The following CSNK2A2 variants were observed in gnomAD, a reference collection of about 807,000 sequenced individuals.
The protein encoded by CSNK2A2 is casein kinase II subunit alpha'.
Under a neutral mutation model 54.0 loss-of-function variants are expected in CSNK2A2, and 8 were observed. The ratio of observed to expected loss-of-function variants is 0.15; its 90% CI spans 0.09 to 0.27. The LOEUF (loss-of-function observed/expected upper bound fraction) is 0.27, where lower values mean the gene tolerates loss of function less well. Among genes scored for constraint, CSNK2A2 ranks in the 10% least tolerant of loss-of-function variants. The pLI is 1.00. For synonymous variants in CSNK2A2, 141 were observed against 153.9 expected, an observed-to-expected ratio of 0.92 and a Z score of 0.62; for missense variants, 242 against 439.4, an observed-to-expected ratio of 0.55 and a Z score of 4.02.
Position 58,180,230 on chromosome 16 carries a change from C to T in CSNK2A2, c.369+4030G>A, listed in dbSNP as rs189657558. 6.5e-4 allele frequency among the ~76,000 whole-genome samples: 99 copies of T among 151,644 alleles called. 1 individual carries two copies. The highest frequency in any genetic ancestry group is 5.3e-4 in the Non-Finnish European group (36 of 67,858). ...GCAGAAAGAGAAAAACAAACAAAAACAATAACTGAGCAATAAAACCAAAAA... is the reference window on the plus strand; with the variant it reads ...GCAGAAAGAGAAAAACAAACAAAAATAATAACTGAGCAATAAAACCAAAAA... On this transcript the variant is annotated intron_variant, in intron 4 of 11. Coordinates refer to ENST00000262506, the MANE Select transcript of CSNK2A2 (RefSeq NM_001896.4).
intron 5 of CSNK2A2, 69 bp from the exon 6 acceptor site, chr16:58,168,762 T>C: frequency 8.1e-7 from 1 of 1,239,760 alleles, no homozygotes; most frequent in Admixed American, 1.8e-5. Flanking sequence ...AGCATAGTCT[T>C]ATTGTTTGTG....
intron 11 of CSNK2A2, chr16:58,159,799 CAA>C (rs1325540476): frequency 2.6e-5 from 4 of 152,190 alleles, no homozygotes; most frequent in Admixed American, 2.0e-4. Context: ...GAAGATTATC[CAA>C]GTTTTCCACT....
At chr16:58,168,770 G>A in intron 5 of CSNK2A2, 77 bp from the exon 6 acceptor site, 6 of 1,131,144 alleles carry the variant, frequency 5.3e-6, no homozygotes, top group Non-Finnish European at 7.9e-6. Flanking sequence ...CTTATTGTTT[G>A]TGACACCTTG....
At chr16:58,187,208 T>C (rs1284042584) in intron 2 of CSNK2A2, among the ~76,000 whole-genome samples, 1 of 151,252 alleles carries the variant, frequency 6.6e-6, no homozygotes, top group Non-Finnish European at 1.5e-5. Context: ...CTGTATATCA[T>C]GCACTCACAA....
At chr16:58,178,407 C>G (rs1408258190) in intron 4 of CSNK2A2, among the ~76,000 whole-genome samples, 1 of 152,056 alleles carries the variant, frequency 6.6e-6, no homozygotes, top group East Asian at 1.9e-4. Context: ...ACCTCTGCCT[C>G]CTGAGTAGCT....
chr16:58,197,758 G>C lies in CSNK2A2; in HGVS notation c.-22C>G. The stretch of plus-strand genomic sequence containing the variant: ...GCATGGCGGGCGGGACCGGGGGGCG[G>C]CGCGGGGCGCAGAGGGTGGCGGCGG... On this transcript the variant is annotated 5_prime_UTR_variant, in exon 1 of 12. Transcript: ENST00000262506. This position sits in a 1 kb window ranked among gnomAD's most constrained non-coding sequence, Gnocchi z 4.0. 1 of 1,065,284 alleles carries C rather than the reference G, an allele frequency of 9.4e-7. No individual in the cohort carries two copies. The allele number at this position is 1,065,284 out of a possible 1,614,324, so 66.0% of individuals were successfully genotyped here. A position where few individuals can be genotyped will look rare whatever the true frequency, so the allele number is the denominator to read the frequency against.
intron 2 of CSNK2A2, among the ~76,000 whole-genome samples, chr16:58,191,294 G>C (rs1466602543): frequency 1.3e-5 from 2 of 152,216 alleles, no homozygotes; most frequent in Non-Finnish European, 2.9e-5. Flanking sequence ...GGACGGCAGT[G>C]ATGGTTGCAC....
chr16:58,195,370 G>C (rs1962413696), intron 2 of CSNK2A2, among the ~76,000 whole-genome samples: 1 of 152,150 alleles, frequency 6.6e-6, no homozygotes, highest in African/African-American at 2.4e-5. Flanking sequence ...TGTTTTGAGT[G>C]ATGGAGTTAA....
chr16:58,182,374 CAAAA>C (rs71155249), intron 4 of CSNK2A2, among the ~76,000 whole-genome samples: 1,060 of 25,586 alleles, frequency 0.041, 6 homozygotes, highest in Non-Finnish European at 0.054. Flanking sequence ...CTAAATATAC[CAAAA>C]AAAAAAAAAA....
chr16:58,179,128 T>C (rs956167414), intron 4 of CSNK2A2, among the ~76,000 whole-genome samples: 1 of 152,218 alleles, frequency 6.6e-6, no homozygotes, highest in Non-Finnish European at 1.5e-5. Context: ...GTTTCAGTGC[T>C]AGCGTATTTA....
At chr16:58,188,737 G>A (rs1228878955) in intron 2 of CSNK2A2, among the ~76,000 whole-genome samples, 2 of 152,118 alleles carry the variant, frequency 1.3e-5, no homozygotes, top group Non-Finnish European at 2.9e-5. Context: ...GGATGACTAC[G>A]ATTTACTCTC....
intron 4 of CSNK2A2, among the ~76,000 whole-genome samples, chr16:58,182,551 T>C: frequency 8.7e-6 from 1 of 115,272 alleles, no homozygotes; most frequent in East Asian, 2.3e-4. Context: ...CGAGGCTCCG[T>C]CTCAAAAAAA....
At position 58,197,644 on chromosome 16, in the gene CSNK2A2, G is replaced by A; in HGVS notation, c.93C>T (p.Val31=). 1 of 1,572,498 alleles carries A rather than the reference G, an allele frequency of 6.4e-7. No homozygotes were observed. Among genetic ancestry groups the A allele is most frequent in the Non-Finnish European group, 8.6e-7 (1 of 1,162,372 alleles). Residue 31 remains valine (V), a synonymous_variant, in exon 1 of 12, where the codon GTC becomes GTT. Transcript: ENST00000262506. This position sits in a 1 kb window ranked among gnomAD's most constrained non-coding sequence, Gnocchi z 4.0. ...GGCGACGGCTTTACCCCCAGCTCGGGACGTGAGCCTCGTAGTCCCAGTACT... is the reference window on the plus strand; with the variant it reads ...GGCGACGGCTTTACCCCCAGCTCGGAACGTGAGCCTCGTAGTCCCAGTACT... ...SREYWDYEAH[V]PSWGNQDDYQ...
In CSNK2A2 at chr16:58,167,786, T is replaced by A; in HGVS notation, c.523A>T (p.Ile175Leu). 6.2e-7 allele frequency: 1 copy of A among 1,613,884 alleles called. No individual in the cohort carries two copies. Among genetic ancestry groups the A allele is most frequent in the Non-Finnish European group, 8.5e-7 (1 of 1,179,820 alleles). The stretch of plus-strand genomic sequence containing the variant: ...TAGAATTCTGCCAGACCCCAATCTA[T>A]CAGTCGCAGCTACAAATAGGACAGA... ...IDHQQKKLRL[I>L]DWGLAEFYHP... The change falls in exon 7 of 12, where the codon ATA becomes TTA. Residue 175 changes from isoleucine to leucine, a missense_variant. Ile to Leu is a conservative substitution (Grantham distance 5). This residue lies in a region of CSNK2A2 where 40 missense variants were observed against 128.7 expected (regional missense o/e 0.31). Transcript: ENST00000262506.
chr16:58,179,248 C>T (rs1462141646), intron 4 of CSNK2A2, among the ~76,000 whole-genome samples: 3 of 152,016 alleles, frequency 2.0e-5, no homozygotes, highest in Non-Finnish European at 4.4e-5. Context: ...GCCTGTAATC[C>T]CAGCACTTTG....
intron 5 of CSNK2A2, among the ~76,000 whole-genome samples, chr16:58,173,773 T>G (rs1380182194): frequency 2.0e-5 from 3 of 152,204 alleles, no homozygotes; most frequent in Non-Finnish European, 4.4e-5. Flanking sequence ...TATTCAATGC[T>G]TTTCCCATCA....
intron 7 of CSNK2A2, 97 bp downstream of exon 7, chr16:58,167,588 G>A (rs1031460381): frequency 5.6e-6 from 5 of 898,290 alleles, no homozygotes; most frequent in Admixed American, 4.7e-5. Flanking sequence ...AATAATGGCT[G>A]GGTTTTGAGT....
intron 2 of CSNK2A2, among the ~76,000 whole-genome samples, chr16:58,189,548 G>A (rs1241560411): frequency 1.3e-5 from 2 of 152,274 alleles, no homozygotes; most frequent in South Asian, 2.1e-4. Flanking sequence ...CAACAGGTCA[G>A]GCCTGGACAA....
rs1330279182 is a variant in CSNK2A2 at position 58,196,863 on chromosome 16, C to A, written c.105-19G>T. 6.7e-7 allele frequency: 1 copy of A among 1,496,662 alleles called. No individual in the cohort carries two copies. Among genetic ancestry groups the A allele is most frequent in the Non-Finnish European group, 9.3e-7 (1 of 1,072,814 alleles). The allele number at this position is 1,496,662 out of a possible 1,614,324, so 92.7% of individuals were successfully genotyped here. On this transcript the variant is annotated intron_variant, in intron 1 of 11. Transcript: ENST00000262506. Reference sequence around the variant, plus strand: ...TTGATTACTGTAAAAGGAAGACACACACATAAATGCCAGGACTGGGGGTTA... The same window carrying A: ...TTGATTACTGTAAAAGGAAGACACAAACATAAATGCCAGGACTGGGGGTTA...
Sources: gnomAD v4.1 joint callset for allele counts (sites outside exome capture counted in the v4.1 genomes callset) on GRCh38, gnomAD v4.1.1 for gene constraint, gnomAD v4.1.1 regional missense constraint, Gnocchi (gnomAD v3.1) non-coding constraint, MANE v1.5 for transcripts, NCBI Gene and HGNC (gene_info 2026-07-23, HGNC 2026-07-21) for gene names.